The following CTNND2 variants were observed in gnomAD, a reference collection of about 807,000 sequenced individuals.
CTNND2 encodes catenin delta 2, also known as catenin delta-2.
A neutral mutation model predicts 144.4 loss-of-function variants in CTNND2; 22 were observed. That is an observed-to-expected ratio of 0.15 (90% CI 0.11 to 0.22). CTNND2 has a LOEUF of 0.22. Among genes scored for constraint, CTNND2 ranks in the 10% least tolerant of loss-of-function variants. The pLI, the probability that CTNND2 is intolerant of heterozygous loss-of-function variation, is 1.00. For synonymous variants in CTNND2, 751 were observed against 695.6 expected, an observed-to-expected ratio of 1.08 and a Z score of -1.25; for missense variants, 1,353 against 1,618.8, an observed-to-expected ratio of 0.84 and a Z score of 2.82.
At chr5:11,155,127 G>C (rs1484806766) in intron 12 of CTNND2, among the ~76,000 whole-genome samples, 1 of 152,222 alleles carries the variant, frequency 6.6e-6, no homozygotes, top group Non-Finnish European at 1.5e-5. Flanking sequence ...TGTCCAGAGA[G>C]AGCGGAGCCA....
intron 10 of CTNND2, among the ~76,000 whole-genome samples, chr5:11,227,872 A>G (rs903131730): frequency 5.3e-5 from 8 of 151,904 alleles, no homozygotes; most frequent in African/African-American, 1.9e-4. Context: ...GTCTTCCATG[A>G]GTTCTAAGTG....
intron 2 of CTNND2, among the ~76,000 whole-genome samples, chr5:11,640,073 A>C (rs1384599379): frequency 6.6e-6 from 1 of 152,262 alleles, no homozygotes; most frequent in South Asian, 2.1e-4. Flanking sequence ...AACAAAGCTT[A>C]TGACTGGAGA....
At chr5:11,867,057 A>G (rs1292866417) in intron 1 of CTNND2, among the ~76,000 whole-genome samples, 3 of 152,234 alleles carry the variant, frequency 2.0e-5, no homozygotes, top group Non-Finnish European at 2.9e-5. Flanking sequence ...TAATACCACA[A>G]GGTTCTGATC....
At position 11,028,759 on chromosome 5, in the gene CTNND2, A is replaced by C. The variant is rs190327038; in HGVS notation, c.2789-5780T>G. On this transcript the variant is annotated intron_variant, in intron 16 of 21. Transcript: ENST00000304623. ...GGTCTCATTCTGTCATCCAGGGTGT[A>C]GTGCACTGGTGCAATTTCAGCTGAC... is the stretch of plus-strand genomic sequence containing the variant. Among the ~76,000 whole-genome samples the C allele has an allele frequency of 4.1e-3, 625 of 152,236 alleles. 5 individuals are homozygous for C. Among genetic ancestry groups the C allele is most frequent in the African/African-American group, 0.013 (524 of 41,534 alleles).
chr5:11,797,915 T>C (rs762573960), intron 1 of CTNND2, among the ~76,000 whole-genome samples: 7 of 152,166 alleles, frequency 4.6e-5, no homozygotes, highest in Non-Finnish European at 1.0e-4. Flanking sequence ...TAAATGACTT[T>C]AGTTTAAAAG....
intron 13 of CTNND2, among the ~76,000 whole-genome samples, chr5:11,114,068 G>C (rs548739062): frequency 6.6e-6 from 1 of 151,034 alleles, no homozygotes; most frequent in African/African-American, 2.4e-5. Flanking sequence ...GGACTGGCAC[G>C]AAAGCAGGTA....
At chr5:11,615,081 T>A (rs1207894610) in intron 2 of CTNND2, among the ~76,000 whole-genome samples, 1 of 152,232 alleles carries the variant, frequency 6.6e-6, no homozygotes, top group Non-Finnish European at 1.5e-5. Flanking sequence ...AGATCATTTC[T>A]ATATCTTACA....
At chr5:11,045,577 T>G (rs1745151430) in intron 16 of CTNND2, among the ~76,000 whole-genome samples, 1 of 152,290 alleles carries the variant, frequency 6.6e-6, no homozygotes, top group African/African-American at 2.4e-5. Flanking sequence ...CAAATCAGGC[T>G]GCATCGCTCC....
At chr5:11,535,536 T>C (rs1017555475) in intron 3 of CTNND2, among the ~76,000 whole-genome samples, 4 of 152,208 alleles carry the variant, frequency 2.6e-5, no homozygotes, top group Non-Finnish European at 5.9e-5. Flanking sequence ...TTTGTAAGTG[T>C]AATCTTATAA....
intron 9 of CTNND2, among the ~76,000 whole-genome samples, chr5:11,275,320 T>C (rs1032112131): frequency 7.9e-5 from 12 of 152,198 alleles, no homozygotes; most frequent in Middle Eastern, 3.4e-3. Flanking sequence ...TGCCTCCTAA[T>C]CCCTGCTCAG....
chr5:11,233,533 G>C (rs1260360415), intron 10 of CTNND2, among the ~76,000 whole-genome samples: 1 of 152,174 alleles, frequency 6.6e-6, no homozygotes, highest in Non-Finnish European at 1.5e-5. Context: ...AATTTGGAAA[G>C]GCTAGTGCCT....
chr5:11,188,466 G>T (rs1469829229), intron 11 of CTNND2, among the ~76,000 whole-genome samples: 1 of 152,148 alleles, frequency 6.6e-6, no homozygotes, highest in East Asian at 1.9e-4. Context: ...CAGGGAGTTG[G>T]GTGAGGGAGA....
At chr5:11,804,239 T>TGA (rs1347564744) in intron 1 of CTNND2, among the ~76,000 whole-genome samples, 27 of 152,304 alleles carry the variant, frequency 1.8e-4, no homozygotes, top group African/African-American at 6.5e-4. Flanking sequence ...GGCCCTCTCA[T>TGA]TCACTGCTGA....
intron 3 of CTNND2, among the ~76,000 whole-genome samples, chr5:11,435,062 T>C (rs1017558322): frequency 1.3e-5 from 2 of 152,066 alleles, no homozygotes; most frequent in African/African-American, 2.4e-5. Context: ...ACGAGATAAA[T>C]GGCTACCTTG....
rs1757137650 is a variant in CTNND2 at position 11,368,007 on chromosome 5, C to A, written c.1178-3117G>T. 4.6e-5 allele frequency among the ~76,000 whole-genome samples: 7 copies of A among 152,124 alleles called. No homozygotes were observed. The South Asian group carries it at 1.5e-3, about 32-fold the overall frequency. ...CTTCCTATTTCTTCTCTTCACAGGGCAAAACTGGGGCCTAGAGAGCTCAGG... is the reference window on the plus strand; with the variant it reads ...CTTCCTATTTCTTCTCTTCACAGGGAAAAACTGGGGCCTAGAGAGCTCAGG... On this transcript the variant is annotated intron_variant, in intron 7 of 21. Coordinates refer to ENST00000304623, the MANE Select transcript of CTNND2 (RefSeq NM_001332.4).
At chr5:11,296,237 C>A (rs369733250) in intron 9 of CTNND2, among the ~76,000 whole-genome samples, 2 of 152,056 alleles carry the variant, frequency 1.3e-5, no homozygotes, top group African/African-American at 4.8e-5. Context: ...AAAAAATGCT[C>A]ACCATCACTG....
chr5:11,317,873 G>A (rs1292083326), intron 9 of CTNND2, among the ~76,000 whole-genome samples: 2 of 152,194 alleles, frequency 1.3e-5, no homozygotes, highest in African/African-American at 2.4e-5. Flanking sequence ...TCCATCAGAT[G>A]TCTGAAAGGG....
intron 9 of CTNND2, among the ~76,000 whole-genome samples, chr5:11,294,849 T>C (rs905427437): frequency 6.6e-6 from 1 of 152,112 alleles, no homozygotes; most frequent in Non-Finnish European, 1.5e-5. Flanking sequence ...ATAAGAGCTA[T>C]CTATGACAAA....
intron 9 of CTNND2, among the ~76,000 whole-genome samples, chr5:11,309,661 G>T (rs1750597480): frequency 6.6e-6 from 1 of 152,190 alleles, no homozygotes; most frequent in East Asian, 1.9e-4. Context: ...AGACTTGGGG[G>T]ACTGTTGAGA....
Sources: allele counts gnomAD v4.1 joint callset (sites outside exome capture counted in the v4.1 genomes callset), GRCh38; gene constraint gnomAD v4.1.1; transcripts MANE v1.5; gene names NCBI Gene and HGNC (gene_info 2026-07-23, HGNC 2026-07-21).